ADAM2: variants seen among roughly 807,000 people sequenced by gnomAD.
The protein encoded by ADAM2 is disintegrin and metalloproteinase domain-containing protein 2.
In ADAM2, 101 loss-of-function variants were observed where a neutral mutation model predicts 99.3. The observed-to-expected ratio is 1.02, with a 90% CI of 0.87 to 1.20. The LOEUF is 1.20. Ranked by LOEUF, ADAM2 falls within the 50% of genes most tolerant of loss-of-function variation. The pLI is 0.00. For synonymous variants in ADAM2, 323 were observed against 287.6 expected, an observed-to-expected ratio of 1.12 and a Z score of -1.25; for missense variants, 948 against 878.7, an observed-to-expected ratio of 1.08 and a Z score of -1.00.
intron 6 of ADAM2, among the ~76,000 whole-genome samples, chr8:39,816,023 C>T (rs963080223): frequency 2.6e-5 from 4 of 151,972 alleles, no homozygotes; most frequent in East Asian, 1.9e-4. Flanking sequence ...AGGTCAGGCA[C>T]GGTGGCTCAC....
At chr8:39,816,164 G>T (rs1462874959) in intron 6 of ADAM2, among the ~76,000 whole-genome samples, 1 of 152,148 alleles carries the variant, frequency 6.6e-6, no homozygotes, top group Non-Finnish European at 1.5e-5. Flanking sequence ...GAGCGTGGTG[G>T]TGTGCACCTC....
chr8:39,838,142 C>A lies in ADAM2; in HGVS notation c.44G>T (p.Arg15Leu), dbSNP rs1563391790. 1.2e-6 allele frequency: 2 copies of A among 1,614,068 alleles called. No individual in the cohort carries two copies. Among genetic ancestry groups the A allele is most frequent in the Non-Finnish European group, 1.7e-6 (2 of 1,180,004 alleles). ...GTTTTTCTGCTTACTACTGTCCATC[C>A]GCAGCCCGCCGAGCCCGCTGAGCAG... Reference protein sequence around the residue: ...LFLLSGLGGLRMDSNFDSLPV... With the variant: ...LFLLSGLGGLLMDSNFDSLPV... Residue 15 changes from arginine (R) to leucine (L), a missense_variant, in exon 1 of 21, where the codon CGG becomes CTG. Arg to Leu is a moderately radical substitution (Grantham distance 102). Coordinates refer to ENST00000265708, the MANE Select transcript of ADAM2 (RefSeq NM_001464.5).
In ADAM2 at chr8:39,821,615, C is replaced by G. The variant is rs1268241375; in HGVS notation, c.315G>C (p.Val105=). Residue 105 remains valine (V), a synonymous_variant, in exon 5 of 21, where the codon GTG becomes GTC. Coordinates refer to ENST00000265708, the MANE Select transcript of ADAM2 (RefSeq NM_001464.5). Reference sequence around the variant, plus strand: ...GTCCAGTACATGTGCTAACCATCACCACAGATTTTGGATAACCTTCAATAT... The same window carrying G: ...GTCCAGTACATGTGCTAACCATCACGACAGATTTTGGATAACCTTCAATAT... ...QGYIEGYPKS[V]VMVSTCTGLR... The G allele has an allele frequency of 6.2e-7, 1 of 1,608,264 alleles. No homozygotes were observed. The highest frequency in any genetic ancestry group is 1.3e-5 in the African/African-American group (1 of 74,748).
In ADAM2 at chr8:39,744,035, C is replaced by A. The variant is rs1413815510; in HGVS notation, c.*60G>T. 6.6e-6 allele frequency: 1 copy of A among 151,574 alleles called. No individual in the cohort carries two copies. Among genetic ancestry groups the A allele is most frequent in the Admixed American group, 6.6e-5 (1 of 15,190 alleles). The allele number at this position is 151,574 out of a possible 1,614,324, so 9.4% of individuals were successfully genotyped here. ...TTCTTTTCTTTCCATTTTTTTGTGT[C>A]CATCCATCACAGATAATTACTCTAG... On this transcript the variant is annotated 3_prime_UTR_variant, in exon 21 of 21. Coordinates refer to ENST00000265708, the MANE Select transcript of ADAM2 (RefSeq NM_001464.5).
At chr8:39,831,419 A>G (rs1205451680) in intron 3 of ADAM2, among the ~76,000 whole-genome samples, 1 of 152,186 alleles carries the variant, frequency 6.6e-6, no homozygotes, top group East Asian at 1.9e-4. Context: ...AACACAAAAA[A>G]GATTAGAGGA....
chr8:39,810,331 A>G (rs1389298422), intron 6 of ADAM2, among the ~76,000 whole-genome samples: 2 of 152,176 alleles, frequency 1.3e-5, no homozygotes, highest in Admixed American at 6.5e-5. Flanking sequence ...ACACAATAAT[A>G]ATGGGCGACT....
At chr8:39,837,497 C>G (rs900221476) in intron 1 of ADAM2, among the ~76,000 whole-genome samples, 1 of 152,078 alleles carries the variant, frequency 6.6e-6, no homozygotes, top group African/African-American at 2.4e-5. Context: ...AGCGATTCCC[C>G]TGCCTCAGCC....
At chr8:39,760,459 C>T (rs1468446707) in intron 15 of ADAM2, among the ~76,000 whole-genome samples, 3 of 152,178 alleles carry the variant, frequency 2.0e-5, no homozygotes, top group Non-Finnish European at 4.4e-5. Flanking sequence ...CGGTGGCTCA[C>T]GCCTATAATC....
At chr8:39,809,277 ATAATT>A (rs1804590209) in intron 7 of ADAM2, 128 bp downstream of exon 7, 1 of 552,310 alleles carries the variant, frequency 1.8e-6, no homozygotes, top group Admixed American at 3.9e-5. Flanking sequence ...ACTGATATTA[ATAATT>A]TAAAGTGCAT....
At chr8:39,784,550 T>A (rs376138626) in intron 10 of ADAM2, among the ~76,000 whole-genome samples, 1 of 152,164 alleles carries the variant, frequency 6.6e-6, no homozygotes, top group African/African-American at 2.4e-5. Flanking sequence ...TATATTTTTT[T>A]AAATTATTGT....
In ADAM2 at chr8:39,767,162, T is replaced by G; in HGVS notation, c.1302A>C (p.Glu434Asp). ...GSNCAEGPCC[E>D]NCLFMSKERM... is the part of the protein sequence containing the mutation. ...TTCAAAAAGCTCTTACTAGACAGTT[T>G]TCGCAGCATGGTCCTTCAGCACAGT... Residue 434 changes from glutamate to aspartate, a missense_variant, in exon 13 of 21, where the codon GAA (glutamate) becomes GAC (aspartate). Physicochemically the swap from Glu to Asp is conservative, Grantham distance 45 (BLOSUM62 2). Transcript: ENST00000265708. 6.2e-7 allele frequency: 1 copy of G among 1,606,304 alleles called. No homozygotes were observed. Among genetic ancestry groups the G allele is most frequent in the Non-Finnish European group, 8.5e-7 (1 of 1,178,302 alleles).
At chr8:39,747,926 A>AT (rs1823540990) in intron 18 of ADAM2, among the ~76,000 whole-genome samples, 1 of 152,088 alleles carries the variant, frequency 6.6e-6, no homozygotes, top group Admixed American at 6.6e-5. Flanking sequence ...GCACTATCCA[A>AT]TTTCAAAGCT....
chr8:39,812,844 A>T (rs1484849727), intron 6 of ADAM2, among the ~76,000 whole-genome samples: 13 of 152,308 alleles, frequency 8.5e-5, no homozygotes, highest in Admixed American at 7.8e-4. Context: ...AATACCATTC[A>T]GGACATAGGC....
chr8:39,762,239 T>A (rs1802398725), intron 14 of ADAM2, among the ~76,000 whole-genome samples: 1 of 152,116 alleles, frequency 6.6e-6, no homozygotes, highest in African/African-American at 2.4e-5. Context: ...AATAACAGAG[T>A]GGACAGACTC....
intron 14 of ADAM2, among the ~76,000 whole-genome samples, chr8:39,765,026 AAAAT>A (rs61653294): frequency 0.098 from 14,216 of 145,152 alleles, 835 homozygotes; most frequent in African/African-American, 0.17. Flanking sequence ...CCGGCTCCAA[AAAAT>A]AAATAAATAA....
intron 19 of ADAM2, among the ~76,000 whole-genome samples, chr8:39,746,077 G>A (rs892826008): frequency 6.6e-6 from 1 of 152,060 alleles, no homozygotes; most frequent in Non-Finnish European, 1.5e-5. Context: ...CTAGGCTAGA[G>A]TGCAGTGGCA....
intron 7 of ADAM2, among the ~76,000 whole-genome samples, chr8:39,799,293 T>C (rs1804106522): frequency 6.6e-6 from 1 of 152,218 alleles, no homozygotes; most frequent in Non-Finnish European, 1.5e-5. Flanking sequence ...ATTTCATTAT[T>C]TACCCAGTAG....
intron 2 of ADAM2, among the ~76,000 whole-genome samples, chr8:39,836,713 G>T (rs568922183): frequency 6.6e-6 from 1 of 152,004 alleles, no homozygotes; most frequent in South Asian, 2.1e-4. Flanking sequence ...TAACATATTC[G>T]CAATCAGGGC....
chr8:39,821,113 A>ACTGT lies in ADAM2; in HGVS notation c.401_402insACAG (p.Gly135GlnfsTer4), dbSNP rs1394026109. 6 of 1,612,372 alleles carry ACTGT rather than the reference A, an allele frequency of 3.7e-6. No individual in the cohort carries two copies. The highest frequency in any genetic ancestry group is 5.1e-6 in the Non-Finnish European group (6 of 1,178,876). The stretch of plus-strand genomic sequence containing the variant: ...CTTGGTAAATTACATGTTCAAAGCC[A>ACTGT]ACTGAAGACTCCAGGGGTTCTATTC... On this transcript the variant is annotated frameshift_variant, in exon 6 of 21. Coordinates refer to ENST00000265708, the MANE Select transcript of ADAM2 (RefSeq NM_001464.5). LOFTEE classifies it high-confidence loss of function.
Sources: allele counts gnomAD v4.1 joint callset (sites outside exome capture counted in the v4.1 genomes callset), GRCh38; gene constraint gnomAD v4.1.1; transcripts MANE v1.5; gene names NCBI Gene and HGNC (gene_info 2026-07-23, HGNC 2026-07-21).